Variants in PTPRT observed in about 807,000 individuals in gnomAD.
PTPRT encodes the protein protein tyrosine phosphatase receptor type T, also known as receptor-type tyrosine-protein phosphatase T.
Under a neutral mutation model 176.8 loss-of-function variants are expected in PTPRT, and 56 were observed. The ratio of observed to expected loss-of-function variants is 0.32; its 90% CI spans 0.26 to 0.40. The LOEUF is 0.40. Ranked by LOEUF, PTPRT falls within the 10% of genes least tolerant of loss-of-function variation. The probability of loss-of-function intolerance (pLI) is 1.00; values close to 1 mark genes in which losing one functional copy is unlikely to be tolerated. For synonymous variants in PTPRT, 783 were observed against 739.0 expected (o/e 1.06, Z -0.96); for missense variants, 1,540 against 1,908.2 (o/e 0.81, Z 3.60).
At chr20:42,206,762 G>T (rs6124429) in intron 15 of PTPRT, among the ~76,000 whole-genome samples, 4 of 152,224 alleles carry the variant, frequency 2.6e-5, no homozygotes, top group South Asian at 2.1e-4. Context: ...CCGGAAGCTC[G>T]AACTGGGTGA....
chr20:42,634,537 C>T (rs11699493), intron 7 of PTPRT, among the ~76,000 whole-genome samples: 23,002 of 151,790 alleles, frequency 0.15, 1,833 homozygotes, highest in South Asian at 0.18. Flanking sequence ...GGTTGTTTTG[C>T]AGCACAGACT....
At chr20:42,394,567 T>G (rs1291442615) in intron 9 of PTPRT, among the ~76,000 whole-genome samples, 3 of 152,216 alleles carry the variant, frequency 2.0e-5, no homozygotes, top group Non-Finnish European at 4.4e-5. Flanking sequence ...CATGATGTTT[T>G]TAAAATAATG....
intron 9 of PTPRT, among the ~76,000 whole-genome samples, chr20:42,391,576 T>C (rs2058800137): frequency 6.6e-6 from 1 of 152,200 alleles, no homozygotes; most frequent in African/African-American, 2.4e-5. Context: ...CGATTCTTCT[T>C]GGACTTCCTG....
At chr20:42,082,302 T>G (rs760954927) in intron 29 of PTPRT, among the ~76,000 whole-genome samples, 1 of 152,230 alleles carries the variant, frequency 6.6e-6, no homozygotes, top group Non-Finnish European at 1.5e-5. Flanking sequence ...ATTAGCTTGA[T>G]GTTTTCTTGG....
At chr20:42,656,997 A>T (rs2075136303) in intron 7 of PTPRT, among the ~76,000 whole-genome samples, 1 of 152,098 alleles carries the variant, frequency 6.6e-6, no homozygotes, top group Admixed American at 6.6e-5. Context: ...TAGTTCCCAT[A>T]ATCCCCATGT....
chr20:42,049,761 CTT>C, the PTPRT span, among the ~76,000 whole-genome samples: 2 of 152,178 alleles, frequency 1.3e-5, no homozygotes, highest in African/African-American at 4.8e-5. Context: ...AGACTCTCCA[CTT>C]GGGCTTTCAG....
chr20:42,514,598 G>A (rs922636559), intron 7 of PTPRT, among the ~76,000 whole-genome samples: 5 of 152,234 alleles, frequency 3.3e-5, no homozygotes, highest in Admixed American at 2.0e-4. Flanking sequence ...GAAATTCAAC[G>A]TTTTAACACA....
intron 7 of PTPRT, among the ~76,000 whole-genome samples, chr20:42,550,364 G>C (rs920431174): frequency 1.3e-5 from 2 of 152,156 alleles, no homozygotes; most frequent in Non-Finnish European, 2.9e-5. Context: ...GAGAGGGAGA[G>C]AGGGAGGAAA....
chr20:42,824,305 T>C (rs1305377247), intron 2 of PTPRT, among the ~76,000 whole-genome samples: 1 of 151,944 alleles, frequency 6.6e-6, no homozygotes, highest in Non-Finnish European at 1.5e-5. Context: ...AGTCTCTCTC[T>C]CTTTTGTTTT....
chr20:43,038,956 G>A (rs751622049), intron 1 of PTPRT, among the ~76,000 whole-genome samples: 1 of 152,176 alleles, frequency 6.6e-6, no homozygotes, highest in South Asian at 2.1e-4. Flanking sequence ...ATGCCAGGAG[G>A]TATGTTGTAC....
chr20:42,477,584 T>G (rs968552489), intron 7 of PTPRT, among the ~76,000 whole-genome samples: 1 of 152,038 alleles, frequency 6.6e-6, no homozygotes, highest in Non-Finnish European at 1.5e-5. Context: ...TGCAAACAAG[T>G]TGGAAATTGC....
chr20:42,218,184 A>G (rs1259972267), intron 15 of PTPRT, among the ~76,000 whole-genome samples: 1 of 152,238 alleles, frequency 6.6e-6, no homozygotes, highest in African/African-American at 2.4e-5. Flanking sequence ...AGCCATTAAA[A>G]TGATGGAGGG....
At chr20:42,911,976 C>CTTTTT (rs11475084) in intron 1 of PTPRT, among the ~76,000 whole-genome samples, 75 of 124,162 alleles carry the variant, frequency 6.0e-4, no homozygotes, top group East Asian at 9.2e-4. Context: ...ATCCTCTTTT[C>CTTTTT]TTTTTTTTTT....
At chr20:42,567,101 A>G (rs1339039501) in intron 7 of PTPRT, among the ~76,000 whole-genome samples, 1 of 151,988 alleles carries the variant, frequency 6.6e-6, no homozygotes, top group Non-Finnish European at 1.5e-5. Flanking sequence ...GTGAAACCCC[A>G]TCTCCACTAA....
chr20:42,135,478 C>T (rs1988328334), intron 18 of PTPRT, among the ~76,000 whole-genome samples: 1 of 152,190 alleles, frequency 6.6e-6, no homozygotes, highest in African/African-American at 2.4e-5. Context: ...CATCAATATG[C>T]ATTTCAATAT....
intron 7 of PTPRT, among the ~76,000 whole-genome samples, chr20:42,503,876 C>A (rs1313800436): frequency 6.6e-6 from 1 of 152,030 alleles, no homozygotes; most frequent in Non-Finnish European, 1.5e-5. Flanking sequence ...CTGATTCTAC[C>A]GTTTGGAATG....
intron 1 of PTPRT, among the ~76,000 whole-genome samples, chr20:43,040,289 T>C (rs543300002): frequency 5.9e-5 from 9 of 152,344 alleles, no homozygotes; most frequent in South Asian, 2.1e-4. Flanking sequence ...AGATAAAAAC[T>C]ACAACTCTTT....
rs532852155 is a variant in PTPRT at position 42,090,782 on chromosome 20, A to G, written c.3847-4929T>C. Reference sequence around the variant, plus strand: ...GCCTACTTGCCTCTTTAAGATCACGAGGACGTAGCTGACCTAAAGGCCACA... The same window carrying G: ...GCCTACTTGCCTCTTTAAGATCACGGGGACGTAGCTGACCTAAAGGCCACA... On this transcript the variant is annotated intron_variant, in intron 27 of 30. Transcript: ENST00000373187. 2.6e-5 allele frequency among the ~76,000 whole-genome samples: 4 copies of G among 152,344 alleles called. No individual in the cohort carries two copies. The South Asian group carries it at 8.3e-4, about 32-fold the overall frequency.
intron 7 of PTPRT, among the ~76,000 whole-genome samples, chr20:42,474,478 T>C (rs2071252925): frequency 6.6e-6 from 1 of 152,184 alleles, no homozygotes; most frequent in Admixed American, 6.5e-5. Flanking sequence ...CCCTGGCCCC[T>C]GATCAACTGA....
Sources: gnomAD v4.1 joint callset for allele counts (sites outside exome capture counted in the v4.1 genomes callset) on GRCh38, gnomAD v4.1.1 for gene constraint, MANE v1.5 for transcripts, NCBI Gene and HGNC (gene_info 2026-07-23, HGNC 2026-07-21) for gene names.